NRXN1: variants seen among roughly 807,000 people sequenced by gnomAD.
NRXN1 encodes the protein neurexin-1.
A neutral mutation model predicts 150.9 loss-of-function variants in NRXN1; 39 were observed. That is an observed-to-expected ratio of 0.26 (90% CI 0.20 to 0.34). The LOEUF (loss-of-function observed/expected upper bound fraction) is 0.34. NRXN1 is among the 10% of genes least tolerant of loss of function. The probability of loss-of-function intolerance (pLI) is 1.00; values close to 1 mark genes in which losing one functional copy is unlikely to be tolerated. For missense variants in NRXN1, 1,815 were observed against 1,949.9 expected (o/e 0.93, Z 1.30); for synonymous variants, 924 against 757.0 (o/e 1.22, Z -3.62).
intron 2 of NRXN1, chr2:50,964,048 A>G: frequency 5.0e-6 from 2 of 403,912 alleles, no homozygotes; most frequent in Non-Finnish European, 9.8e-6. Context: ...ATGCAGAAGA[A>G]TATGAAATGA....
intron 5 of NRXN1, among the ~76,000 whole-genome samples, chr2:50,644,601 A>C (rs1056396319): frequency 2.0e-5 from 3 of 151,640 alleles, no homozygotes; most frequent in African/African-American, 4.8e-5. Flanking sequence ...GTTCACTAGA[A>C]GAATTTTTTT....
chr2:50,722,820 C>T (rs1218697569), intron 5 of NRXN1, among the ~76,000 whole-genome samples: 1 of 152,118 alleles, frequency 6.6e-6, no homozygotes, highest in Non-Finnish European at 1.5e-5. Context: ...AGATTTATTT[C>T]CACAGATGGC....
chr2:50,126,424 G>C (rs75751385), intron 18 of NRXN1, among the ~76,000 whole-genome samples: 2 of 151,918 alleles, frequency 1.3e-5, no homozygotes, highest in East Asian at 1.9e-4. Flanking sequence ...ATGTAATGGA[G>C]ATTTTTGGTT....
At chr2:50,644,542 A>C (rs929946289) in intron 5 of NRXN1, among the ~76,000 whole-genome samples, 7 of 151,616 alleles carry the variant, frequency 4.6e-5, no homozygotes, top group Admixed American at 6.6e-5. Flanking sequence ...CTAAAGAATA[A>C]TACATCCTGA....
intron 21 of NRXN1, among the ~76,000 whole-genome samples, chr2:50,021,994 G>C (rs945669323): frequency 6.6e-6 from 1 of 152,166 alleles, no homozygotes; most frequent in Non-Finnish European, 1.5e-5. Context: ...GGGACTACAG[G>C]TGTGTGCCAC....
In NRXN1 at chr2:50,097,814, T is replaced by C. The variant is rs540253828; in HGVS notation, c.3547-6320A>G. Among the ~76,000 whole-genome samples the C allele has an allele frequency of 9.9e-5, 15 of 152,148 alleles. No homozygotes were observed. The South Asian group carries it at 3.1e-3, about 32-fold the overall frequency. On this transcript the variant is annotated intron_variant, in intron 18 of 22. Transcript: ENST00000401669. ...GCCACCACGCCCAGCTAATAATGTA[T>C]TTTTGGTAGAGGCAGGGTTTTTCCA...
chr2:50,129,070 G>A (rs950504390), intron 18 of NRXN1, among the ~76,000 whole-genome samples: 2 of 152,044 alleles, frequency 1.3e-5, no homozygotes, highest in African/African-American at 4.8e-5. Context: ...CCTCAAGGTG[G>A]TAAAACTCAA....
intron 15 of NRXN1, among the ~76,000 whole-genome samples, chr2:50,494,008 G>C (rs1434447882): frequency 1.3e-5 from 2 of 152,072 alleles, no homozygotes; most frequent in Non-Finnish European, 2.9e-5. Context: ...AATAAACTCT[G>C]AAGTACTTAG....
chr2:50,884,125 TG>T (rs1679869418), intron 5 of NRXN1, among the ~76,000 whole-genome samples: 1 of 151,808 alleles, frequency 6.6e-6, no homozygotes, highest in South Asian at 2.1e-4. Context: ...GCTTACCTTT[TG>T]AACTAGTTTC....
At chr2:50,623,134 G>T (rs1309102181) in intron 6 of NRXN1, among the ~76,000 whole-genome samples, 180 bp downstream of exon 6, 1 of 152,078 alleles carries the variant, frequency 6.6e-6, no homozygotes, top group African/African-American at 2.4e-5. Flanking sequence ...TGGGCTCCCA[G>T]AACTTTCTAG....
chr2:50,910,013 A>AT (rs149644517), intron 5 of NRXN1, among the ~76,000 whole-genome samples: 11,749 of 150,034 alleles, frequency 0.078, 505 homozygotes, highest in South Asian at 0.12. Context: ...AGCCTCAGCT[A>AT]TTTTTTTTTT....
At chr2:50,280,432 A>G (rs746206932) in intron 17 of NRXN1, among the ~76,000 whole-genome samples, 2 of 152,138 alleles carry the variant, frequency 1.3e-5, no homozygotes, top group South Asian at 4.1e-4. Flanking sequence ...CCCATATCAG[A>G]AGCACACCCC....
intron 2 of NRXN1, among the ~76,000 whole-genome samples, chr2:51,019,677 C>G (rs1459723560): frequency 6.6e-6 from 1 of 152,024 alleles, no homozygotes; most frequent in Non-Finnish European, 1.5e-5. Flanking sequence ...CTTAACAATT[C>G]CAGCAGTTGA....
intron 14 of NRXN1, among the ~76,000 whole-genome samples, chr2:50,496,437 T>G (rs1265726973): frequency 2.0e-5 from 3 of 152,208 alleles, no homozygotes; most frequent in South Asian, 4.1e-4. Context: ...ATGGCCATTC[T>G]TCTCGTTCTT....
intron 5 of NRXN1, 103 bp from the exon 6 acceptor site, chr2:50,623,718 T>C: frequency 1.3e-6 from 1 of 761,800 alleles, no homozygotes; most frequent in Non-Finnish European, 2.1e-6. Context: ...ATTAACCTGC[T>C]TAATTAGATT....
At chr2:50,974,328 C>A (rs1198614639) in intron 2 of NRXN1, among the ~76,000 whole-genome samples, 1 of 152,148 alleles carries the variant, frequency 6.6e-6, no homozygotes, top group Non-Finnish European at 1.5e-5. Context: ...AAACACCCAA[C>A]AGATCTTTAG....
chr2:50,531,087 C>T, intron 11 of NRXN1, 140 bp downstream of exon 11: 1 of 615,478 alleles, frequency 1.6e-6, no homozygotes, highest in Non-Finnish European at 2.8e-6. Context: ...CCGAAAACCT[C>T]AAATTACTTT....
chr2:50,965,867 T>A (rs939765117), intron 2 of NRXN1, among the ~76,000 whole-genome samples: 5 of 151,596 alleles, frequency 3.3e-5, no homozygotes, highest in Non-Finnish European at 1.5e-5. Flanking sequence ...TTTTTAGGCT[T>A]TTTACATAAA....
intron 16 of NRXN1, among the ~76,000 whole-genome samples, chr2:50,466,055 G>C (rs1196683517): frequency 6.7e-6 from 1 of 149,870 alleles, no homozygotes; most frequent in Non-Finnish European, 1.5e-5. Context: ...TGGGTGTTTT[G>C]AATAGGTATG....
Sources: allele counts gnomAD v4.1 joint callset (sites outside exome capture counted in the v4.1 genomes callset), GRCh38; gene constraint gnomAD v4.1.1; transcripts MANE v1.5; gene names NCBI Gene and HGNC (gene_info 2026-07-23, HGNC 2026-07-21).